CREB5: variants seen among roughly 807,000 people sequenced by gnomAD.
The protein encoded by CREB5 is cAMP responsive element binding protein 5.
CREB5 carries 19 observed loss-of-function variants against 57.1 expected under a neutral mutation model. The ratio of observed to expected loss-of-function variants is 0.33; its 90% CI spans 0.23 to 0.49. CREB5 has a LOEUF of 0.49. CREB5 is among the 20% of genes least tolerant of loss of function. The pLI, the probability that CREB5 is intolerant of heterozygous loss-of-function variation, is 0.99. For synonymous variants in CREB5, 238 were observed against 238.3 expected, an observed-to-expected ratio of 1.00 and a Z score of 0.01; for missense variants, 579 against 671.6, an observed-to-expected ratio of 0.86 and a Z score of 1.52.
intron 1 of CREB5, among the ~76,000 whole-genome samples, chr7:28,470,367 C>A (rs868576839): frequency 6.6e-6 from 1 of 152,180 alleles, no homozygotes; most frequent in South Asian, 2.1e-4. Flanking sequence ...AACATAGTGA[C>A]CTCCATTTTC....
intron 1 of CREB5, among the ~76,000 whole-genome samples, chr7:28,483,898 A>G (rs73299122): frequency 0.016 from 2,424 of 152,294 alleles, 60 homozygotes; most frequent in African/African-American, 0.055. Context: ...GTGATCCCCA[A>G]AACTACTTAC....
chr7:28,360,116 T>A (rs1786444327), intron 1 of CREB5, among the ~76,000 whole-genome samples: 1 of 152,164 alleles, frequency 6.6e-6, no homozygotes, highest in South Asian at 2.1e-4. Context: ...TTGTGCACTG[T>A]TGGTGGGAAT....
chr7:28,757,530 A>G (rs1163797167), intron 7 of CREB5, among the ~76,000 whole-genome samples: 1 of 151,930 alleles, frequency 6.6e-6, no homozygotes, highest in Non-Finnish European at 1.5e-5. Flanking sequence ...AAAATTAGCC[A>G]GGCGTGGTGG....
chr7:28,708,042 C>G (rs376985605), intron 5 of CREB5, among the ~76,000 whole-genome samples: 139 of 152,276 alleles, frequency 9.1e-4, no homozygotes, highest in African/African-American at 3.1e-3. Context: ...ACAAGGATCC[C>G]TTTGGGAATC....
At chr7:28,565,417 G>A (rs1795435975) in intron 4 of CREB5, among the ~76,000 whole-genome samples, 1 of 152,154 alleles carries the variant, frequency 6.6e-6, no homozygotes, top group Non-Finnish European at 1.5e-5. Context: ...ACCCCATTAG[G>A]AGTGAGGGTG....
At chr7:28,640,234 TGTC>T (rs1403784750) in intron 5 of CREB5, among the ~76,000 whole-genome samples, 11 of 152,160 alleles carry the variant, frequency 7.2e-5, no homozygotes, top group African/African-American at 2.4e-4. Context: ...ACCATAAAAA[TGTC>T]GTGATGGAGC....
chr7:28,361,187 A>G (rs950230011), intron 1 of CREB5, among the ~76,000 whole-genome samples: 6 of 152,346 alleles, frequency 3.9e-5, no homozygotes, highest in African/African-American at 1.2e-4. Flanking sequence ...GGTTGAATAA[A>G]GCAGCGCAAC....
At chr7:28,387,274 C>G (rs6972942) in intron 1 of CREB5, among the ~76,000 whole-genome samples, 97,829 of 151,912 alleles carry the variant, frequency 0.64, 33,444 homozygotes, top group Middle Eastern at 0.8. Context: ...GCCATTCTAA[C>G]TGGTGTGAGA....
At chr7:28,565,912 CTCTG>C (rs1265092608) in intron 4 of CREB5, among the ~76,000 whole-genome samples, 2 of 152,190 alleles carry the variant, frequency 1.3e-5, no homozygotes, top group African/African-American at 2.4e-5. Flanking sequence ...CAGAGCGAGA[CTCTG>C]TCTGAAAATA....
At chr7:28,654,180 A>G (rs1165900617) in intron 5 of CREB5, among the ~76,000 whole-genome samples, 1 of 152,130 alleles carries the variant, frequency 6.6e-6, no homozygotes, top group African/African-American at 2.4e-5. Context: ...AAAATCTAAG[A>G]TATACTATAG....
Position 28,386,376 on chromosome 7 carries a change from G to T in CREB5, c.-25+86935G>T, listed in dbSNP as rs186993397. The stretch of plus-strand genomic sequence containing the variant: ...ATGTCATTACAGTCTGGCTTTTGTT[G>T]CCGCTGTTGAGAAATCTGCTGCTGG... On this transcript the variant is annotated intron_variant, in intron 1 of 9. Transcript: ENST00000396299. Among the ~76,000 whole-genome samples, 516 of 152,192 alleles carry T rather than the reference G, an allele frequency of 3.4e-3. 2 individuals carry two copies. The highest frequency in any genetic ancestry group is 0.012 in the African/African-American group (480 of 41,510).
At chr7:28,414,376 G>A (rs1258171245) in intron 1 of CREB5, among the ~76,000 whole-genome samples, 1 of 151,822 alleles carries the variant, frequency 6.6e-6, no homozygotes, top group East Asian at 1.9e-4. Flanking sequence ...ACTACCAGCT[G>A]TATTATGGGA....
intron 3 of CREB5, among the ~76,000 whole-genome samples, chr7:28,497,401 A>C (rs1166258388): frequency 6.6e-6 from 1 of 152,228 alleles, no homozygotes; most frequent in Admixed American, 6.5e-5. Context: ...TGCCAGGTGG[A>C]ATATTATTTG....
At chr7:28,497,073 A>G (rs886636227) in intron 3 of CREB5, among the ~76,000 whole-genome samples, 8 of 152,202 alleles carry the variant, frequency 5.3e-5, no homozygotes, top group Admixed American at 5.2e-4. Flanking sequence ...TATTTTTCCC[A>G]AATTGGATCC....
At chr7:28,642,914 A>G (rs2128701435) in intron 5 of CREB5, among the ~76,000 whole-genome samples, 1 of 150,112 alleles carries the variant, frequency 6.7e-6, no homozygotes, top group South Asian at 2.2e-4. Flanking sequence ...AGATCTGTTT[A>G]AGATATGCCA....
At chr7:28,750,843 A>T (rs951653986) in intron 7 of CREB5, among the ~76,000 whole-genome samples, 1 of 152,170 alleles carries the variant, frequency 6.6e-6, no homozygotes, top group African/African-American at 2.4e-5. Context: ...ATGACATGAA[A>T]TCTAATATTT....
At chr7:28,392,313 G>C (rs903917946) in intron 1 of CREB5, among the ~76,000 whole-genome samples, 7 of 152,098 alleles carry the variant, frequency 4.6e-5, no homozygotes, top group Non-Finnish European at 1.5e-5. Flanking sequence ...CTTTAAAAAA[G>C]AGCATGCTTC....
At chr7:28,506,661 C>T (rs543207952) in intron 3 of CREB5, among the ~76,000 whole-genome samples, 8 of 152,200 alleles carry the variant, frequency 5.3e-5, no homozygotes, top group Non-Finnish European at 1.2e-4. Flanking sequence ...TCTAATATCT[C>T]CTGTTTCTGA....
At chr7:28,656,925 G>A (rs1799354834) in intron 5 of CREB5, among the ~76,000 whole-genome samples, 1 of 151,866 alleles carries the variant, frequency 6.6e-6, no homozygotes, top group East Asian at 1.9e-4. Context: ...GTGTCCTCTT[G>A]TTTTAGAAAT....
Sources: gnomAD v4.1 joint callset for allele counts (sites outside exome capture counted in the v4.1 genomes callset) on GRCh38, gnomAD v4.1.1 for gene constraint, MANE v1.5 for transcripts, NCBI Gene and HGNC (gene_info 2026-07-23, HGNC 2026-07-21) for gene names.